USP42: variants seen among roughly 807,000 people sequenced by gnomAD.
USP42 encodes ubiquitin carboxyl-terminal hydrolase 42.
A neutral mutation model predicts 113.0 loss-of-function variants in USP42; 23 were observed. That is an observed-to-expected ratio of 0.20 (90% CI 0.15 to 0.29). The LOEUF (loss-of-function observed/expected upper bound fraction) is 0.29. Ranked by LOEUF, USP42 falls within the 10% of genes least tolerant of loss-of-function variation. The pLI, the probability that USP42 is intolerant of heterozygous loss-of-function variation, is 1.00. For synonymous variants in USP42, 933 were observed against 699.0 expected, an observed-to-expected ratio of 1.33 and a Z score of -5.28; for missense variants, 2,174 against 1,779.8, an observed-to-expected ratio of 1.22 and a Z score of -3.99.
At position 6,154,136 on chromosome 7, in the gene USP42, C is replaced by A. The variant is rs1200471317; in HGVS notation, c.2582C>A (p.Ala861Glu). ...APEGLSPAPP[A>E]RSEEPCEQPL... Reference sequence around the variant, plus strand: ...GAAGGGTTGAGTCCGGCTCCGCCTGCGCGGTCGGAGGAGCCCTGCGAGCAG... The same window carrying A: ...GAAGGGTTGAGTCCGGCTCCGCCTGAGCGGTCGGAGGAGCCCTGCGAGCAG... The change falls in exon 15 of 18, where the codon GCG (alanine) becomes GAG (glutamate). Residue 861 changes from alanine (A) to glutamate (E), a missense_variant. Ala to Glu is a moderately radical substitution (Grantham distance 107). Coordinates refer to ENST00000306177, the MANE Select transcript of USP42 (RefSeq NM_032172.3). 1.3e-6 allele frequency: 2 copies of A among 1,597,368 alleles called. No homozygotes were observed. Among genetic ancestry groups the A allele is most frequent in the Non-Finnish European group, 1.7e-6 (2 of 1,173,582 alleles).
rs1779174779 is a variant in USP42 at position 6,104,970 on chromosome 7, G to A, written c.-72G>A. 1 of 152,930 alleles carries A rather than the reference G, an allele frequency of 6.5e-6. No individual in the cohort carries two copies. The highest frequency in any genetic ancestry group is 1.4e-5 in the Non-Finnish European group (1 of 70,348). 9.5% of individuals were successfully genotyped at this position (152,930 alleles called of 1,614,324 possible). ...CGTCATTGTCCCCCGCCGGGCGGCT[G>A]GGCTGTGTGCGGCGGCGGCGGCGGC... is the stretch of plus-strand genomic sequence containing the variant. On this transcript the variant is annotated 5_prime_UTR_variant, in exon 1 of 18. Coordinates refer to ENST00000306177, the MANE Select transcript of USP42 (RefSeq NM_032172.3).
At chr7:6,155,293 G>A in intron 15 of USP42, 98 bp downstream of exon 15, 1 of 1,434,412 alleles carries the variant, frequency 7.0e-7, no homozygotes, top group Non-Finnish European at 9.1e-7. Context: ...GACCAGCCAG[G>A]CCACAGTTGT....
chr7:6,137,486 G>A (rs189359951), intron 4 of USP42, among the ~76,000 whole-genome samples: 2 of 152,244 alleles, frequency 1.3e-5, no homozygotes, highest in East Asian at 3.9e-4. Context: ...AGCCTCCCAA[G>A]TAGCTGGGAT....
upstream of USP42, among the ~76,000 whole-genome samples, chr7:6,104,169 G>C (rs1237494845): frequency 1.7e-4 from 26 of 151,268 alleles, 1 homozygote; most frequent in Admixed American, 1.7e-3. Flanking sequence ...TGCAACCTCC[G>C]CCTCCCGGGT....
chr7:6,141,350 A>G (rs1036298432), intron 7 of USP42, among the ~76,000 whole-genome samples: 5 of 149,948 alleles, frequency 3.3e-5, no homozygotes, highest in Admixed American at 2.7e-4. Flanking sequence ...CTATAGGTGC[A>G]TGTGCCACCA....
rs1026154989 is a variant in USP42 at position 6,148,833 on chromosome 7, C to A, written c.1387-750C>A. Reference sequence around the variant, plus strand: ...CACATCAAATGCCCAGCGGGCTCCCCTTTTGGGCTCTGCTCCAGAGTGACA... The same window carrying A: ...CACATCAAATGCCCAGCGGGCTCCCATTTTGGGCTCTGCTCCAGAGTGACA... On this transcript the variant is annotated intron_variant, in intron 12 of 17. Coordinates refer to ENST00000306177, the MANE Select transcript of USP42 (RefSeq NM_032172.3). Among the ~76,000 whole-genome samples the A allele has an allele frequency of 3.9e-5, 6 of 152,336 alleles. 1 individual carries two copies. The South Asian group carries it at 1.2e-3, about 32-fold the overall frequency.
chr7:6,123,021 C>T lies in USP42; in HGVS notation c.442+7498C>T, dbSNP rs371018465. Reference sequence around the variant, plus strand: ...GTATTTTTTAGTAGTGATGGGGTTTCGCCCGTGTTGGCTAGGCTGGTCTCA... The same window carrying T: ...GTATTTTTTAGTAGTGATGGGGTTTTGCCCGTGTTGGCTAGGCTGGTCTCA... On this transcript the variant is annotated intron_variant, in intron 3 of 17. Coordinates refer to ENST00000306177, the MANE Select transcript of USP42 (RefSeq NM_032172.3). Among the ~76,000 whole-genome samples, 661 of 151,318 alleles carry T rather than the reference C, an allele frequency of 4.4e-3. 4 individuals carry two copies. The highest frequency in any genetic ancestry group is 0.015 in the African/African-American group (628 of 41,264).
chr7:6,148,591 C>T (rs1781853299), intron 12 of USP42, among the ~76,000 whole-genome samples: 1 of 152,124 alleles, frequency 6.6e-6, no homozygotes, highest in African/African-American at 2.4e-5. Context: ...CTGCTCTCCC[C>T]CTGGGTTTGA....
At chr7:6,136,323 A>G (rs1361256364) in intron 4 of USP42, among the ~76,000 whole-genome samples, 4 of 152,070 alleles carry the variant, frequency 2.6e-5, no homozygotes, top group African/African-American at 9.7e-5. Flanking sequence ...GTTATTCTTA[A>G]TGTCCAACTG....
chr7:6,146,736 G>A (rs977295227), intron 11 of USP42, among the ~76,000 whole-genome samples: 1 of 152,226 alleles, frequency 6.6e-6, no homozygotes. Flanking sequence ...GCGGGATGAT[G>A]AGTTTGCTCC....
Position 6,150,254 on chromosome 7 carries a change from C to G in USP42, c.2058C>G (p.Ala686=). 1 of 1,613,702 alleles carries G rather than the reference C, an allele frequency of 6.2e-7. No individual in the cohort carries two copies. Among genetic ancestry groups the G allele is most frequent in the Non-Finnish European group, 8.5e-7 (1 of 1,179,848 alleles). Residue 686 remains alanine, a synonymous_variant, in exon 13 of 18, where the codon GCC becomes GCG. Transcript: ENST00000306177. Reference sequence around the variant, plus strand: ...GTGCCAGCTGCCAAGGCCAGCCTGCCCTGCACTCAGAAAATCCCTTTGCTA... The same window carrying G: ...GTGCCAGCTGCCAAGGCCAGCCTGCGCTGCACTCAGAAAATCCCTTTGCTA... ...PDGASCQGQP[A]LHSENPFAKA...
At chr7:6,152,445 G>T (rs1401691038) in intron 14 of USP42, among the ~76,000 whole-genome samples, 2 of 152,248 alleles carry the variant, frequency 1.3e-5, no homozygotes, top group Non-Finnish European at 2.9e-5. Flanking sequence ...TCACCTGTGG[G>T]GGTGCTGTTC....
chr7:6,153,045 C>T (rs1300464116), intron 14 of USP42: 8 of 755,906 alleles, frequency 1.1e-5, no homozygotes, highest in African/African-American at 1.9e-5. Flanking sequence ...CTGAGGCGGG[C>T]GGATCACCTG....
intron 2 of USP42, among the ~76,000 whole-genome samples, chr7:6,113,658 G>A: frequency 6.6e-6 from 1 of 151,002 alleles, no homozygotes; most frequent in Non-Finnish European, 1.5e-5. Flanking sequence ...GTCTCTCTCT[G>A]TCGCCCAGGC....
intron 15 of USP42, 48 bp downstream of exon 15, chr7:6,155,243 C>T (rs1490196459): frequency 2.7e-6 from 4 of 1,477,964 alleles, no homozygotes; most frequent in Non-Finnish European, 3.6e-6. Context: ...CTGCTGTCAG[C>T]AGTGGGGCCT....
Position 6,160,907 on chromosome 7 carries a change from G to A in USP42, c.*389G>A, listed in dbSNP as rs1293454507. The stretch of plus-strand genomic sequence containing the variant: ...GTGCAAGACCAACCGGGAGACCATG[G>A]AATTGTCAAAAGTACAAACTGACAG... On this transcript the variant is annotated 3_prime_UTR_variant, in exon 18 of 18. Transcript: ENST00000306177. 1 of 152,494 alleles carries A rather than the reference G, an allele frequency of 6.6e-6. No homozygotes were observed. The highest frequency in any genetic ancestry group is 1.9e-4 in the East Asian group (1 of 5,198). 9.4% of individuals were successfully genotyped at this position (152,494 alleles called of 1,614,324 possible). A position where few individuals can be genotyped will look rare whatever the true frequency, so the allele number is the denominator to read the frequency against.
At chr7:6,119,734 C>G (rs1780107918) in intron 3 of USP42, among the ~76,000 whole-genome samples, 1 of 151,964 alleles carries the variant, frequency 6.6e-6, no homozygotes, top group Non-Finnish European at 1.5e-5. Flanking sequence ...GACATTCTTG[C>G]TCTGTTGCCC....
chr7:6,139,068 C>T lies in USP42; in HGVS notation c.554-24C>T, dbSNP rs948000868. ...GGCTTATTACGTGTAATGATAAAGC[C>T]TTGTCTTTACCGAAATTTTACAGGT... On this transcript the variant is annotated intron_variant, in intron 4 of 17. Transcript: ENST00000306177. The surrounding 1 kb of genome is among the most constrained non-coding windows in gnomAD (Gnocchi z 4.5). 4 of 1,542,510 alleles carry T rather than the reference C, an allele frequency of 2.6e-6. No homozygotes were observed. Among genetic ancestry groups the T allele is most frequent in the Admixed American group, 1.9e-5 (1 of 54,012 alleles).
rs369602106 is a variant in USP42, at chr7:6,144,081, C to G, written c.879-4C>G. Reference sequence around the variant, plus strand: ...CTTATACTTTTGTTTCTGTTTGTTTCAAGGTGTAAAAAGATGGTTCCAGCT... The same window carrying G: ...CTTATACTTTTGTTTCTGTTTGTTTGAAGGTGTAAAAAGATGGTTCCAGCT... On this transcript the variant is annotated splice_region_variant and splice_polypyrimidine_tract_variant and intron_variant, in intron 8 of 17. Coordinates refer to ENST00000306177, the MANE Select transcript of USP42 (RefSeq NM_032172.3). 6.5e-7 allele frequency: 1 copy of G among 1,538,234 alleles called. No individual in the cohort carries two copies. The highest frequency in any genetic ancestry group is 2.3e-5 in the Admixed American group (1 of 43,754).
Sources: gnomAD v4.1 joint callset for allele counts (sites outside exome capture counted in the v4.1 genomes callset) on GRCh38, gnomAD v4.1.1 for gene constraint, Gnocchi (gnomAD v3.1) non-coding constraint, MANE v1.5 for transcripts, NCBI Gene and HGNC (gene_info 2026-07-23, HGNC 2026-07-21) for gene names.